The following PCDH9 variants were observed in gnomAD, a reference collection of about 807,000 sequenced individuals.
PCDH9 encodes protocadherin 9.
A neutral mutation model predicts 70.6 loss-of-function variants in PCDH9; 24 were observed. The observed-to-expected ratio is 0.34, with a 90% confidence interval of 0.25 to 0.48. PCDH9 has a LOEUF of 0.48. Among genes scored for constraint, PCDH9 ranks in the 20% least tolerant of loss-of-function variants. PCDH9 has a pLI of 0.99. For synonymous variants in PCDH9, 562 were observed against 558.5 expected, an observed-to-expected ratio of 1.01 and a Z score of -0.09; for missense variants, 1,281 against 1,503.6, an observed-to-expected ratio of 0.85 and a Z score of 2.45.
chr13:66,429,580 G>C (rs1359549096), intron 4 of PCDH9, among the ~76,000 whole-genome samples: 1 of 151,804 alleles, frequency 6.6e-6, no homozygotes, highest in Non-Finnish European at 1.5e-5. Flanking sequence ...ACAAACGGAA[G>C]AGCTCCCTCA....
At chr13:66,751,821 T>C (rs1271286158) in intron 3 of PCDH9, among the ~76,000 whole-genome samples, 1 of 152,196 alleles carries the variant, frequency 6.6e-6, no homozygotes, top group African/African-American at 2.4e-5. Flanking sequence ...CCAGACAACA[T>C]AGTTCCAATT....
At chr13:66,698,595 T>G (rs2078594071) in intron 3 of PCDH9, among the ~76,000 whole-genome samples, 1 of 152,164 alleles carries the variant, frequency 6.6e-6, no homozygotes, top group African/African-American at 2.4e-5. Flanking sequence ...TTTTATTAAT[T>G]CGAGACAGGG....
intron 3 of PCDH9, among the ~76,000 whole-genome samples, chr13:66,773,597 TC>T (rs1382147580): frequency 6.7e-6 from 1 of 149,826 alleles, no homozygotes; most frequent in Non-Finnish European, 1.5e-5. Flanking sequence ...GCTACTGCAC[TC>T]CAGCCTGGGC....
At chr13:67,148,350 A>C (rs2087574190) in intron 2 of PCDH9, among the ~76,000 whole-genome samples, 1 of 152,024 alleles carries the variant, frequency 6.6e-6, no homozygotes, top group Non-Finnish European at 1.5e-5. Flanking sequence ...TTAGGGACCA[A>C]TTATAGGAAT....
intron 3 of PCDH9, among the ~76,000 whole-genome samples, chr13:66,860,314 C>T (rs2139477889): frequency 6.6e-6 from 1 of 151,618 alleles, no homozygotes; most frequent in East Asian, 2.0e-4. Flanking sequence ...GGAAAGATGC[C>T]ACTTCTGTGC....
chr13:66,957,593 G>C (rs1222074603), intron 2 of PCDH9, among the ~76,000 whole-genome samples: 2 of 152,100 alleles, frequency 1.3e-5, no homozygotes, highest in Non-Finnish European at 2.9e-5. Flanking sequence ...GCCTTTGGGA[G>C]ATAATTAGGT....
intron 4 of PCDH9, among the ~76,000 whole-genome samples, chr13:66,500,279 C>T (rs1253295449): frequency 6.6e-6 from 1 of 152,104 alleles, no homozygotes; most frequent in Non-Finnish European, 1.5e-5. Flanking sequence ...CTTCTGGGTA[C>T]ATATTTAAAG....
intron 3 of PCDH9, among the ~76,000 whole-genome samples, chr13:66,869,502 G>A (rs1293242782): frequency 6.6e-6 from 1 of 152,102 alleles, no homozygotes; most frequent in Non-Finnish European, 1.5e-5. Flanking sequence ...AGATTTCTTA[G>A]ATTATAAAGA....
Position 66,982,135 on chromosome 13 carries a change from T to C in PCDH9, c.3037-78530A>G, listed in dbSNP as rs148913336. Among the ~76,000 whole-genome samples, 57 of 152,302 alleles carry C rather than the reference T, an allele frequency of 3.7e-4. No homozygotes were observed. In the East Asian group the frequency reaches 0.01, roughly 28 times the overall value. On this transcript the variant is annotated intron_variant, in intron 2 of 4. Transcript: ENST00000377865. Reference sequence around the variant, plus strand: ...CCCCTGCCCCACTCACTCTCTCTCTTGCTCCTGCTTTCACAATGTGAAGTG... The same window carrying C: ...CCCCTGCCCCACTCACTCTCTCTCTCGCTCCTGCTTTCACAATGTGAAGTG...
chr13:66,551,856 T>C (rs1449956214), intron 4 of PCDH9, among the ~76,000 whole-genome samples: 3 of 152,156 alleles, frequency 2.0e-5, no homozygotes, highest in Non-Finnish European at 2.9e-5. Flanking sequence ...AAATAACCGA[T>C]ATTTGCTTGT....
At chr13:66,784,411 A>G (rs559317288) in intron 3 of PCDH9, among the ~76,000 whole-genome samples, 1 of 152,288 alleles carries the variant, frequency 6.6e-6, no homozygotes, top group South Asian at 2.1e-4. Context: ...CCTGTGGTGA[A>G]TTTCAGAATG....
At chr13:66,341,431 G>A (rs1956122144) in intron 4 of PCDH9, among the ~76,000 whole-genome samples, 1 of 152,104 alleles carries the variant, frequency 6.6e-6, no homozygotes, top group East Asian at 1.9e-4. Context: ...TTTAAATGCT[G>A]CTCTAGGTTT....
At chr13:66,430,091 G>T (rs547532337) in intron 4 of PCDH9, among the ~76,000 whole-genome samples, 2 of 152,046 alleles carry the variant, frequency 1.3e-5, no homozygotes, top group South Asian at 2.1e-4. Context: ...TCTGTTTTTA[G>T]AATGCTTTTT....
At chr13:67,067,689 G>T (rs2085676366) in intron 2 of PCDH9, among the ~76,000 whole-genome samples, 1 of 150,328 alleles carries the variant, frequency 6.7e-6, no homozygotes, top group Admixed American at 6.7e-5. Flanking sequence ...TTAACAGAAT[G>T]CCTGACAGCG....
At chr13:66,938,165 T>C (rs534831826) in intron 2 of PCDH9, among the ~76,000 whole-genome samples, 13 of 152,154 alleles carry the variant, frequency 8.5e-5, no homozygotes, top group Non-Finnish European at 1.6e-4. Flanking sequence ...CTCCCACAGA[T>C]AACTGATGGG....
At chr13:66,315,571 C>T (rs920759122) in intron 4 of PCDH9, among the ~76,000 whole-genome samples, 1 of 152,088 alleles carries the variant, frequency 6.6e-6, no homozygotes, top group South Asian at 2.1e-4. Context: ...AAGCTCTGTT[C>T]CCCAGGTTCA....
intron 4 of PCDH9, among the ~76,000 whole-genome samples, chr13:66,448,535 A>T (rs1028582893): frequency 6.6e-6 from 1 of 152,230 alleles, no homozygotes; most frequent in African/African-American, 2.4e-5. Flanking sequence ...TCAAAATCTT[A>T]GTGTAAACGG....
chr13:66,394,743 T>A (rs527736246), intron 4 of PCDH9, among the ~76,000 whole-genome samples: 1 of 152,214 alleles, frequency 6.6e-6, no homozygotes, highest in South Asian at 2.1e-4. Context: ...ACAAACAAGA[T>A]AAAAAGGAGT....
At chr13:66,993,760 CG>C (rs1481506314) in intron 2 of PCDH9, among the ~76,000 whole-genome samples, 1 of 152,178 alleles carries the variant, frequency 6.6e-6, no homozygotes, top group African/African-American at 2.4e-5. Flanking sequence ...TATAATCACA[CG>C]AAAAATATTT....
Sources: allele counts gnomAD v4.1 joint callset (sites outside exome capture counted in the v4.1 genomes callset), GRCh38; gene constraint gnomAD v4.1.1; transcripts MANE v1.5; gene names NCBI Gene and HGNC (gene_info 2026-07-23, HGNC 2026-07-21).